The following DOK3 variants were observed in gnomAD, a reference collection of about 807,000 sequenced individuals.
DOK3 encodes the protein Dok-like protein.
In DOK3, 23 loss-of-function variants were observed where a neutral mutation model predicts 26.2. The ratio of observed to expected loss-of-function variants is 0.88; its 90% CI spans 0.63 to 1.24. The LOEUF (loss-of-function observed/expected upper bound fraction) is 1.24, where lower values mean the gene tolerates loss of function less well. Among genes scored for constraint, DOK3 ranks in the 50% most tolerant of loss-of-function variants. The probability of loss-of-function intolerance (pLI) is 0.00; values close to 1 mark genes in which losing one functional copy is unlikely to be tolerated. For synonymous variants in DOK3, 268 were observed against 268.2 expected, an observed-to-expected ratio of 1.00 and a Z score of 0.01; for missense variants, 619 against 610.6, an observed-to-expected ratio of 1.01 and a Z score of -0.15.
At chr5:177,505,525 C>T (rs772463443) in intron 3 of DOK3, among the ~76,000 whole-genome samples, 3 of 152,194 alleles carry the variant, frequency 2.0e-5, no homozygotes, top group Non-Finnish European at 4.4e-5. Context: ...CACACCCAGG[C>T]CTTCAGCATG....
At position 177,504,106 on chromosome 5, in the gene DOK3, C is replaced by T. The variant is rs1351278876; in HGVS notation, c.1200G>A (p.Leu400=). 3 of 1,612,976 alleles carry T rather than the reference C, an allele frequency of 1.9e-6. No individual in the cohort carries two copies. The highest frequency in any genetic ancestry group is 2.5e-6 in the Non-Finnish European group (3 of 1,179,618). ...DSTLEAQYRR[L]LELDQVEGTG... is the part of the protein sequence containing the mutation. The stretch of plus-strand genomic sequence containing the variant: ...TGCCCTCCACCTGATCCAGCTCCAG[C>T]AGCCGCCGGTACTGGGCCTCCAGGG... The change falls in exon 6 of 6, where the codon CTG becomes CTA. Residue 400 remains leucine (L), a synonymous_variant. Coordinates refer to ENST00000510898, the MANE Select transcript of DOK3 (RefSeq NM_001308236.3).
intron 2 of DOK3, 182 bp downstream of exon 2, chr5:177,509,293 C>T: frequency 4.2e-6 from 3 of 706,836 alleles, no homozygotes; most frequent in Non-Finnish European, 6.7e-6. Flanking sequence ...CCTGCTCAGC[C>T]CCTGCCGTCT....
rs373302465 is a variant in DOK3, at chr5:177,509,601, C to T, written c.-61G>A. The T allele has an allele frequency of 2.2e-5, 35 of 1,602,386 alleles. No individual in the cohort carries two copies. Among genetic ancestry groups the T allele is most frequent in the East Asian group, 4.5e-5 (2 of 44,808 alleles). On this transcript the variant is annotated 5_prime_UTR_variant, in exon 2 of 6. Transcript: ENST00000510898. ...CTGGGGAGACTGATGACAGGCTGGACGGGAACTCCTCACACTTCCCCTTCT... is the reference window on the plus strand; with the variant it reads ...CTGGGGAGACTGATGACAGGCTGGATGGGAACTCCTCACACTTCCCCTTCT...
At chr5:177,505,960 G>C (rs181020343) in intron 3 of DOK3, among the ~76,000 whole-genome samples, 1 of 151,254 alleles carries the variant, frequency 6.6e-6, no homozygotes, top group Admixed American at 6.6e-5. Context: ...GGATGATCTC[G>C]ATCTCCTGAC....
intron 2 of DOK3, 34 bp from the exon 3 acceptor site, chr5:177,508,576 G>T (rs1760550591): frequency 6.7e-7 from 1 of 1,482,476 alleles, no homozygotes; most frequent in South Asian, 1.3e-5. Context: ...GAAGACCCTT[G>T]GGTGGCAGAT....
At chr5:177,504,967 G>A in intron 4 of DOK3, 44 bp downstream of exon 4, 1 of 1,583,892 alleles carries the variant, frequency 6.3e-7, no homozygotes, top group Non-Finnish European at 8.6e-7. Flanking sequence ...ACCCAGCCCT[G>A]GGTGTGGGGG....
rs1759747603 is a variant in DOK3 at position 177,504,364 on chromosome 5, G to A, written c.942C>T (p.Gly314=). The A allele has an allele frequency of 1.3e-5, 20 of 1,572,654 alleles. No individual in the cohort carries two copies. Among genetic ancestry groups the A allele is most frequent in the Non-Finnish European group, 1.7e-5 (20 of 1,157,422 alleles). The change falls in exon 6 of 6, where the codon GGC becomes GGT. Residue 314 remains glycine, a synonymous_variant. Coordinates refer to ENST00000510898, the MANE Select transcript of DOK3 (RefSeq NM_001308236.3). ...CGGACGCCAGATCGTTGGGCTCCGG[G>A]CCTAGCAGTAGCGGCAGGCTCTGGG... ...PGPQSLPLLL[G]PEPNDLASGL...
rs61749656 is a variant in DOK3 at position 177,504,250 on chromosome 5, G to A, written c.1056C>T (p.Pro352=). The A allele has an allele frequency of 3.7e-6, 6 of 1,610,704 alleles. No homozygotes were observed. The highest frequency in any genetic ancestry group is 5.1e-6 in the Non-Finnish European group (6 of 1,178,506). ...GCTCAGGTTCCCCACCGTGCAGCGT[G>A]GGGCTGGCCTCCAGCACACACAGGT... ...YENLCVLEAS[P]TLHGGEPEPH... The change falls in exon 6 of 6, where the codon CCC becomes CCT. Residue 352 remains proline, a synonymous_variant. Transcript: ENST00000510898.
intron 2 of DOK3, chr5:177,509,217 T>G: frequency 2.3e-6 from 1 of 444,370 alleles, no homozygotes; most frequent in Admixed American, 4.1e-5. Context: ...TGCTGGGAGG[T>G]TTGAGCCTTC....
In DOK3 at chr5:177,504,529, T is replaced by C. The variant is rs569925940; in HGVS notation, c.777A>G (p.Pro259=). The change falls in exon 6 of 6, where the codon CCA becomes CCG. Residue 259 remains proline (P), a synonymous_variant. Coordinates refer to ENST00000510898, the MANE Select transcript of DOK3 (RefSeq NM_001308236.3). ...GAIARQRERL[P]ELTRPQPCPL... is the part of the protein sequence containing the mutation. The stretch of plus-strand genomic sequence containing the variant: ...GGCAGGGCTGGGGCCTGGTCAGCTC[T>C]GGCAGCCGCTCCCGCTGGCGGGCGA... The C allele has an allele frequency of 6.3e-7, 1 of 1,589,476 alleles. No homozygotes were observed. The highest frequency in any genetic ancestry group is 2.3e-5 in the East Asian group (1 of 44,114).
At chr5:177,509,700 T>G in intron 1 of DOK3, 43 bp from the exon 2 acceptor site, 1 of 1,605,760 alleles carries the variant, frequency 6.2e-7, no homozygotes, top group Middle Eastern at 1.7e-4. Flanking sequence ...GCTCAGGGGC[T>G]GGGGGCAGCA....
intron 2 of DOK3, chr5:177,508,895 G>A (rs1012343649): frequency 1.8e-5 from 5 of 272,838 alleles, no homozygotes; most frequent in Admixed American, 5.1e-5. Flanking sequence ...CCCCAAAAAG[G>A]GGCACTTGGG....
In DOK3 at chr5:177,503,130, G is replaced by C. The variant is rs202146130; in HGVS notation, c.*853C>G. ...AGAGCCCTGGAGGCATGACGCTTGC[G>C]TGCGTGGCTGGCTCCTAGGATGGCG... On this transcript the variant is annotated 3_prime_UTR_variant, in exon 6 of 6. Coordinates refer to ENST00000510898, the MANE Select transcript of DOK3 (RefSeq NM_001308236.3). 21 of 1,551,006 alleles carry C rather than the reference G, an allele frequency of 1.4e-5. No individual in the cohort carries two copies. The highest frequency in any genetic ancestry group is 1.8e-5 in the Non-Finnish European group (21 of 1,146,854).
At chr5:177,509,851 A>G (rs765748189), upstream of DOK3, 12 of 1,610,716 alleles carry the variant, frequency 7.5e-6, 1 homozygote, top group South Asian at 1.3e-4. Context: ...TCCCCGAGTC[A>G]TGAGTTCCCG....
Position 177,502,951 on chromosome 5 carries a change from C to T in DOK3, c.*1032G>A. Reference sequence around the variant, plus strand: ...GCCTAGGCAGGGGCGGTACTGGCCGCACTAAAGGAAGTGAGCTGGAAGGAG... The same window carrying T: ...GCCTAGGCAGGGGCGGTACTGGCCGTACTAAAGGAAGTGAGCTGGAAGGAG... On this transcript the variant is annotated 3_prime_UTR_variant, in exon 6 of 6. Transcript: ENST00000510898. 8.5e-7 allele frequency: 1 copy of T among 1,178,474 alleles called. No homozygotes were observed. The allele number at this position is 1,178,474 out of a possible 1,614,324, so 73.0% of individuals were successfully genotyped here.
At position 177,504,892 on chromosome 5, in the gene DOK3, G is replaced by T. The variant is rs1581781446; in HGVS notation, c.496C>A (p.Gln166Lys). ...CAGCGGGTGGCGGCCTCAGTCCTCTGCACCACCACGGGAAACTCGCCCACT... is the reference window on the plus strand; with the variant it reads ...CAGCGGGTGGCGGCCTCAGTCCTCTTCACCACCACGGGAAACTCGCCCACT... ...QEVGEFPVVV[Q>K]RTEAATRCQL... is the part of the protein sequence containing the mutation. Residue 166 changes from glutamine to lysine, a missense_variant, in exon 5 of 6, where the codon CAG becomes AAG. Coordinates refer to ENST00000510898, the MANE Select transcript of DOK3 (RefSeq NM_001308236.3). The T allele has an allele frequency of 5.0e-6, 8 of 1,594,530 alleles. No homozygotes were observed. In the East Asian group the frequency reaches 1.8e-4, roughly 36 times the overall value.
Position 177,501,961 on chromosome 5 carries a change from A to G in DOK3, c.*2022T>C, listed in dbSNP as rs530784517. ...GATCACTCACAGAACATGCATGGACATTTTTACAGGCTTTCAGGAGATTCT... is the reference window on the plus strand; with the variant it reads ...GATCACTCACAGAACATGCATGGACGTTTTTACAGGCTTTCAGGAGATTCT... On this transcript the variant is annotated 3_prime_UTR_variant, in exon 6 of 6. Transcript: ENST00000510898. 6 of 152,310 alleles carry G rather than the reference A, an allele frequency of 3.9e-5. No individual in the cohort carries two copies. The highest frequency in any genetic ancestry group is 3.3e-4 in the Admixed American group (5 of 15,296). The allele number at this position is 152,310 out of a possible 1,614,324, so 9.4% of individuals were successfully genotyped here. A position where few individuals can be genotyped will look rare whatever the true frequency, so the allele number is the denominator to read the frequency against.
At chr5:177,508,893 A>G (rs1176718571) in intron 2 of DOK3, 3 of 270,316 alleles carry the variant, frequency 1.1e-5, no homozygotes, top group African/African-American at 6.6e-5. Context: ...ACCCCCAAAA[A>G]GGGGCACTTG....
At chr5:177,510,316 A>G (rs772474017), upstream of DOK3, 2 of 189,408 alleles carry the variant, frequency 1.1e-5, no homozygotes, top group Non-Finnish European at 1.1e-5. Flanking sequence ...TCCCTTGACC[A>G]CTCCACGCTG....
Sources: allele counts gnomAD v4.1 joint callset (sites outside exome capture counted in the v4.1 genomes callset), GRCh38; gene constraint gnomAD v4.1.1; transcripts MANE v1.5; gene names NCBI Gene and HGNC (gene_info 2026-07-23, HGNC 2026-07-21).